The following DMD variants were observed in gnomAD, a reference collection of about 807,000 sequenced individuals.
The protein encoded by DMD is dystrophin, also known as mutant dystrophin.
Under a neutral mutation model 330.1 loss-of-function variants are expected in DMD, and 63 were observed. The ratio of observed to expected loss-of-function variants is 0.19; its 90% confidence interval spans 0.16 to 0.24. The LOEUF is 0.24. Among genes scored for constraint, DMD ranks in the 10% least tolerant of loss-of-function variants. The probability of loss-of-function intolerance (pLI) is 1.00; values close to 1 mark genes in which losing one functional copy is unlikely to be tolerated. For synonymous variants in DMD, 1,223 were observed against 959.8 expected (o/e 1.27, Z -5.07); for missense variants, 3,344 against 2,684.1 (o/e 1.25, Z -5.43).
At chrX:31,801,609 A>G (rs2092071776) in intron 50 of DMD, among the ~76,000 whole-genome samples, 1 of 94,056 alleles carries the variant, frequency 1.1e-5, no homozygotes, top group Non-Finnish European at 2.1e-5. Flanking sequence ...ACACAATAGT[A>G]ACTATTTCTT....
chrX:32,862,528 T>G (rs1236965118), intron 2 of DMD, among the ~76,000 whole-genome samples: 1 of 111,753 alleles, frequency 8.9e-6, no homozygotes, highest in Non-Finnish European at 1.9e-5. Context: ...AGGTCTCAAT[T>G]GTTTTATCTT....
At chrX:32,729,912 G>A (rs1424436455) in intron 7 of DMD, among the ~76,000 whole-genome samples, 1 of 111,968 alleles carries the variant, frequency 8.9e-6, no homozygotes, top group Non-Finnish European at 1.9e-5. Flanking sequence ...AGCATATATA[G>A]TAGCACAGCC....
intron 45 of DMD, among the ~76,000 whole-genome samples, chrX:31,966,144 G>A (rs1195187207): frequency 3.6e-5 from 4 of 110,825 alleles, no homozygotes; most frequent in South Asian, 3.7e-4. Context: ...ATTTTTCACC[G>A]GTGCAATAAA....
At position 32,849,828 on chromosome X, in the gene DMD, T is replaced by TA. The variant is rs3834997; in HGVS notation, c.94-9dup. 108,875 of 1,126,276 alleles carry TA rather than the reference T, an allele frequency of 0.097. 3,909 individuals carry two copies. Among genetic ancestry groups the TA allele is most frequent in the Middle Eastern group, 0.13 (524 of 4,137 alleles). The allele number at this position is 1,126,276 out of a possible 1,213,427, so 92.8% of individuals were successfully genotyped here. ...AATATGCTGCTTCCCAAACTGAAAT[T>TA]AAAAAAAATACACTCAATTTAACAA... On this transcript the variant is annotated splice_polypyrimidine_tract_variant and intron_variant, in intron 2 of 78. Transcript: ENST00000357033.
intron 47 of DMD, among the ~76,000 whole-genome samples, chrX:31,913,778 A>G (rs2094575295): frequency 9.0e-6 from 1 of 111,629 alleles, no homozygotes; most frequent in Non-Finnish European, 1.9e-5. Context: ...AACAAAACAA[A>G]AACACTTAGG....
intron 55 of DMD, among the ~76,000 whole-genome samples, chrX:31,548,858 C>T (rs1266300023): frequency 9.1e-6 from 1 of 109,964 alleles, no homozygotes; most frequent in African/African-American, 3.3e-5. Context: ...TATGTAAACT[C>T]ATTGTTTAAA....
chrX:32,085,595 T>TAC (rs1280732094), intron 44 of DMD, among the ~76,000 whole-genome samples: 4 of 103,197 alleles, frequency 3.9e-5, no homozygotes, highest in South Asian at 4.1e-4. Flanking sequence ...CACACATATA[T>TAC]GTATATATGT....
chrX:32,121,644 T>TGC, intron 44 of DMD, among the ~76,000 whole-genome samples: 1 of 83,998 alleles, frequency 1.2e-5, no homozygotes, highest in Non-Finnish European at 2.3e-5. Context: ...TATATATATA[T>TGC]ATATATATAT....
intron 48 of DMD, among the ~76,000 whole-genome samples, chrX:31,851,325 T>G (rs1243328858): frequency 7.2e-5 from 8 of 111,416 alleles, no homozygotes; most frequent in Non-Finnish European, 1.5e-4. Context: ...ATTTCAAAAA[T>G]AATCTGTCCA....
chrX:31,169,735 C>A, intron 73 of DMD, 134 bp from the exon 74 acceptor site: 1 of 587,448 alleles, frequency 1.7e-6, no homozygotes, highest in East Asian at 3.6e-5. Flanking sequence ...TTTCCTGCTT[C>A]TAAAGACCTT....
At chrX:31,360,504 A>G (rs1317358792) in intron 60 of DMD, among the ~76,000 whole-genome samples, 1 of 112,249 alleles carries the variant, frequency 8.9e-6, no homozygotes, top group Non-Finnish European at 1.9e-5. Context: ...CCTAAATATC[A>G]TTGTCAGAAT....
chrX:31,213,691 G>A (rs1036874767), intron 64 of DMD, among the ~76,000 whole-genome samples: 3 of 111,764 alleles, frequency 2.7e-5, no homozygotes, highest in Non-Finnish European at 5.6e-5. Context: ...CTCTAGATTC[G>A]TAAGCACTGT....
intron 1 of DMD, among the ~76,000 whole-genome samples, chrX:33,093,095 G>A (rs893888997): frequency 9.0e-6 from 1 of 111,078 alleles, no homozygotes; most frequent in Non-Finnish European, 1.9e-5. Flanking sequence ...GGCTGGTCTC[G>A]AACTCCTGAC....
intron 48 of DMD, among the ~76,000 whole-genome samples, chrX:31,855,315 G>A (rs2093596956): frequency 8.9e-6 from 1 of 111,776 alleles, no homozygotes; most frequent in Admixed American, 9.5e-5. Flanking sequence ...GACTAGAAAG[G>A]CACATATTAA....
At chrX:31,155,271 T>C (rs769145337) in intron 74 of DMD, among the ~76,000 whole-genome samples, 23 of 112,905 alleles carry the variant, frequency 2.0e-4, no homozygotes, top group Non-Finnish European at 3.6e-4. Context: ...TCAGTGTAAG[T>C]CATCTACTCT....
intron 62 of DMD, among the ~76,000 whole-genome samples, chrX:31,320,460 T>C (rs1183285189): frequency 1.8e-5 from 2 of 111,891 alleles, no homozygotes; most frequent in Non-Finnish European, 3.8e-5. Context: ...TGGTAAAAAC[T>C]CTTGACTGGA....
At chrX:32,439,868 T>C (rs2098274974) in intron 28 of DMD, among the ~76,000 whole-genome samples, 1 of 111,598 alleles carries the variant, frequency 9.0e-6, no homozygotes, top group African/African-American at 3.3e-5. Context: ...CTCGCAATTT[T>C]CCTCCTCCCT....
intron 7 of DMD, among the ~76,000 whole-genome samples, chrX:32,790,368 C>T (rs1176880415): frequency 9.0e-6 from 1 of 111,555 alleles, no homozygotes; most frequent in Non-Finnish European, 1.9e-5. Context: ...TTCCTACAAT[C>T]CTAGCCAATT....
intron 63 of DMD, among the ~76,000 whole-genome samples, chrX:31,225,218 C>G (rs986001468): frequency 3.6e-5 from 4 of 112,337 alleles, no homozygotes; most frequent in African/African-American, 9.7e-5. Context: ...GCTTAAGCTA[C>G]ACTGTAGAGG....
Sources: gnomAD v4.1 joint callset for allele counts (sites outside exome capture counted in the v4.1 genomes callset) on GRCh38, gnomAD v4.1.1 for gene constraint, MANE v1.5 for transcripts, NCBI Gene and HGNC (gene_info 2026-07-23, HGNC 2026-07-21) for gene names.